The following LRRC4C variants were observed in gnomAD, a reference collection of about 807,000 sequenced individuals.
The protein encoded by LRRC4C is leucine-rich repeat-containing protein 4C.
In LRRC4C, 5 loss-of-function variants were observed where a neutral mutation model predicts 33.6. The ratio of observed to expected loss-of-function variants is 0.15; its 90% CI spans 0.08 to 0.31. The LOEUF (loss-of-function observed/expected upper bound fraction) is 0.31, where lower values mean the gene tolerates loss of function less well. Ranked by LOEUF, LRRC4C falls within the 10% of genes least tolerant of loss-of-function variation. The pLI is 1.00. For synonymous variants in LRRC4C, 329 were observed against 302.0 expected (o/e 1.09, Z -0.93); for missense variants, 560 against 796.7 (o/e 0.70, Z 3.58).
intron 1 of LRRC4C, among the ~76,000 whole-genome samples, chr11:40,954,866 C>A (rs1440016344): frequency 6.6e-6 from 1 of 151,724 alleles, no homozygotes; most frequent in Non-Finnish European, 1.5e-5. Context: ...TGGACAACAG[C>A]AGGAATTACA....
intron 3 of LRRC4C, among the ~76,000 whole-genome samples, chr11:40,329,343 C>T (rs1046675556): frequency 6.6e-6 from 1 of 152,134 alleles, no homozygotes; most frequent in Non-Finnish European, 1.5e-5. Flanking sequence ...TGCCAGTGCA[C>T]ATAGCTAATG....
chr11:40,378,024 ACTT>A (rs1265223649), intron 3 of LRRC4C, among the ~76,000 whole-genome samples: 2 of 152,036 alleles, frequency 1.3e-5, no homozygotes, highest in Non-Finnish European at 2.9e-5. Context: ...AGTTGTTTAG[ACTT>A]CTTATGACAT....
chr11:41,302,633 T>C (rs538462783), intron 1 of LRRC4C, among the ~76,000 whole-genome samples: 6 of 152,346 alleles, frequency 3.9e-5, no homozygotes, highest in African/African-American at 1.4e-4. Context: ...TGTTGTCAGA[T>C]TAAATTTCAT....
intron 1 of LRRC4C, among the ~76,000 whole-genome samples, chr11:41,100,675 A>G (rs1941117415): frequency 6.6e-6 from 1 of 152,178 alleles, no homozygotes; most frequent in Admixed American, 6.6e-5. Flanking sequence ...TTCTTCACAG[A>G]ACTAGAAGAA....
chr11:41,189,043 AT>A (rs1378554647), intron 1 of LRRC4C, among the ~76,000 whole-genome samples: 2 of 152,084 alleles, frequency 1.3e-5, no homozygotes, highest in Non-Finnish European at 2.9e-5. Flanking sequence ...TTGTTCACCT[AT>A]GGTCAAAAGA....
chr11:41,347,336 G>T (rs891594419), intron 1 of LRRC4C, among the ~76,000 whole-genome samples: 2 of 152,138 alleles, frequency 1.3e-5, no homozygotes, highest in African/African-American at 4.8e-5. Context: ...AGTTAATACA[G>T]GCATTTAAGG....
At chr11:41,442,521 G>C (rs1297499513) in intron 1 of LRRC4C, among the ~76,000 whole-genome samples, 2 of 122,334 alleles carry the variant, frequency 1.6e-5, no homozygotes, top group Admixed American at 1.1e-4. Flanking sequence ...CCAGGCTGGA[G>C]TGCAGTGGCA....
chr11:41,356,402 T>G (rs1952163246), intron 1 of LRRC4C, among the ~76,000 whole-genome samples: 1 of 152,158 alleles, frequency 6.6e-6, no homozygotes, highest in Non-Finnish European at 1.5e-5. Flanking sequence ...GAATCCAGGC[T>G]GACTATAGAC....
chr11:40,283,875 T>C (rs936812321), intron 4 of LRRC4C, among the ~76,000 whole-genome samples: 1 of 151,948 alleles, frequency 6.6e-6, no homozygotes, highest in African/African-American at 2.4e-5. Flanking sequence ...CGGTTCATTT[T>C]GCATATTTAG....
intron 1 of LRRC4C, among the ~76,000 whole-genome samples, chr11:41,103,386 T>C (rs1182292897): frequency 6.6e-6 from 1 of 152,044 alleles, no homozygotes; most frequent in East Asian, 1.9e-4. Context: ...TCCAGTGCTC[T>C]TTCTAATGCA....
chr11:40,406,940 A>T (rs1949985036), intron 3 of LRRC4C, among the ~76,000 whole-genome samples: 1 of 152,114 alleles, frequency 6.6e-6, no homozygotes, highest in South Asian at 2.1e-4. Context: ...TCTCCAAGAC[A>T]AATTTATGTG....
chr11:40,783,609 A>G (rs75230684), intron 2 of LRRC4C, among the ~76,000 whole-genome samples: 3,959 of 152,162 alleles, frequency 0.026, 189 homozygotes, highest in African/African-American at 0.089. Flanking sequence ...ACTCTGCCTG[A>G]GCTACTTTAT....
At chr11:40,589,493 G>T (rs1958931480) in intron 3 of LRRC4C, among the ~76,000 whole-genome samples, 1 of 150,230 alleles carries the variant, frequency 6.7e-6, no homozygotes, top group African/African-American at 2.4e-5. Context: ...AGTTAATATT[G>T]TTATGTGTGA....
At position 40,715,648 on chromosome 11, in the gene LRRC4C, C is replaced by G. The variant is rs191160456; in HGVS notation, c.-406-67370G>C. Among the ~76,000 whole-genome samples, 88 of 152,256 alleles carry G rather than the reference C, an allele frequency of 5.8e-4. 1 individual carries two copies. Among genetic ancestry groups the G allele is most frequent in the Non-Finnish European group, 9.4e-4 (64 of 68,022 alleles). On this transcript the variant is annotated intron_variant, in intron 2 of 6. Transcript: ENST00000528697. ...AGAACTGGACATGCCACATATCCTT[C>G]AGGAGTAGAACAGAATATGGCAAGG...
chr11:40,429,293 C>T (rs544754934), intron 3 of LRRC4C, among the ~76,000 whole-genome samples: 1 of 152,192 alleles, frequency 6.6e-6, no homozygotes, highest in East Asian at 1.9e-4. Context: ...AGGCTAGTCT[C>T]GAATTCCTGA....
intron 2 of LRRC4C, among the ~76,000 whole-genome samples, chr11:40,919,655 A>G (rs1482089278): frequency 1.3e-5 from 2 of 152,254 alleles, no homozygotes; most frequent in South Asian, 2.1e-4. Flanking sequence ...CTGGGTCTGT[A>G]TGTATCCCCA....
rs564929182 is a variant in LRRC4C, at chr11:40,429,370, G to C, written c.-269-109649C>G. 3.3e-5 allele frequency among the ~76,000 whole-genome samples: 5 copies of C among 152,254 alleles called. No homozygotes were observed. In the South Asian group the frequency reaches 6.2e-4, roughly 19 times the overall value. On this transcript the variant is annotated intron_variant, in intron 3 of 6. Transcript: ENST00000528697. The stretch of plus-strand genomic sequence containing the variant: ...ATTACAGGCTTGAGCCACTGCGCCT[G>C]GCCCTGATGAACTGTTAAACTCCTT...
intron 1 of LRRC4C, among the ~76,000 whole-genome samples, chr11:41,207,639 C>T (rs556338739): frequency 2.5e-4 from 38 of 152,276 alleles, no homozygotes; most frequent in African/African-American, 8.9e-4. Flanking sequence ...CTTGATTTTT[C>T]TCTGTGCATG....
chr11:40,902,586 G>A (rs1279012452), intron 2 of LRRC4C, among the ~76,000 whole-genome samples: 1 of 152,116 alleles, frequency 6.6e-6, no homozygotes, highest in Non-Finnish European at 1.5e-5. Context: ...GACCTCTTGT[G>A]CCAAATATTT....
Sources: allele counts gnomAD v4.1 joint callset (sites outside exome capture counted in the v4.1 genomes callset), GRCh38; gene constraint gnomAD v4.1.1; transcripts MANE v1.5; gene names NCBI Gene and HGNC (gene_info 2026-07-23, HGNC 2026-07-21).